Variants in PCDH15 observed in about 807,000 individuals in gnomAD.
PCDH15 encodes protocadherin-15.
Under a neutral mutation model 178.5 loss-of-function variants are expected in PCDH15, and 129 were observed. That is an observed-to-expected ratio of 0.72 (90% CI 0.63 to 0.84). The LOEUF (loss-of-function observed/expected upper bound fraction) is 0.84, where lower values mean the gene tolerates loss of function less well. PCDH15 is among the 40% of genes least tolerant of loss of function. PCDH15 has a pLI of 0.00. For synonymous variants in PCDH15, 800 were observed against 732.0 expected, an observed-to-expected ratio of 1.09 and a Z score of -1.50; for missense variants, 2,230 against 2,099.9, an observed-to-expected ratio of 1.06 and a Z score of -1.21.
chr10:55,265,689 C>T (rs1189762195), intron 1 of PCDH15, among the ~76,000 whole-genome samples: 2 of 152,056 alleles, frequency 1.3e-5, no homozygotes, highest in South Asian at 4.1e-4. Context: ...TGTTCATTAT[C>T]GACCAGGGAT....
At position 55,555,577 on chromosome 10, in the gene PCDH15, A is replaced by C. The variant is rs1037821498; in HGVS notation, c.-156+72048T>G. On this transcript the variant is annotated intron_variant, in intron 2 of 5. Transcript: ENST00000613346. The stretch of plus-strand genomic sequence containing the variant: ...TCAATTTTTGACTTAAAGAAGGAGA[A>C]ACAAGTAAGTGAAGACCACTTATTT... Among the ~76,000 whole-genome samples the C allele has an allele frequency of 1.5e-4, 23 of 152,150 alleles. 1 individual carries two copies. The highest frequency in any genetic ancestry group is 5.5e-4 in the African/African-American group (23 of 41,444).
At chr10:55,540,160 A>C (rs968699484) in intron 2 of PCDH15, among the ~76,000 whole-genome samples, 5 of 152,124 alleles carry the variant, frequency 3.3e-5, no homozygotes, top group Non-Finnish European at 5.9e-5. Flanking sequence ...TGCATAGTCC[A>C]TTTGTGTGAG....
intron 3 of PCDH15, among the ~76,000 whole-genome samples, chr10:54,884,076 T>A (rs773203570): frequency 6.6e-6 from 1 of 152,056 alleles, no homozygotes; most frequent in Non-Finnish European, 1.5e-5. Context: ...TTTATGTTTT[T>A]ATGTGGCTCA....
intron 13 of PCDH15, among the ~76,000 whole-genome samples, chr10:54,170,772 C>T (rs1353411066): frequency 6.6e-6 from 1 of 152,090 alleles, no homozygotes; most frequent in Non-Finnish European, 1.5e-5. Flanking sequence ...AATCCCCACA[C>T]ACCAGCAAAG....
chr10:54,266,999 T>C (rs945762196), intron 8 of PCDH15, among the ~76,000 whole-genome samples: 2 of 151,924 alleles, frequency 1.3e-5, no homozygotes, highest in Non-Finnish European at 2.9e-5. Context: ...CCTAGGCCAA[T>C]ATATCTGATG....
At chr10:55,061,244 AAG>A (rs1156474807) in intron 2 of PCDH15, among the ~76,000 whole-genome samples, 1 of 152,214 alleles carries the variant, frequency 6.6e-6, no homozygotes, top group African/African-American at 2.4e-5. Context: ...AATTTATAAA[AAG>A]CGAAAAACCT....
chr10:54,467,649 T>C (rs1383029494), intron 3 of PCDH15, among the ~76,000 whole-genome samples: 3 of 146,526 alleles, frequency 2.0e-5, no homozygotes, highest in Non-Finnish European at 4.5e-5. Flanking sequence ...TAGACTCTTG[T>C]CTGGTATTGG....
At chr10:54,724,672 A>G (rs1213091181) in intron 1 of PCDH15, among the ~76,000 whole-genome samples, 1 of 151,494 alleles carries the variant, frequency 6.6e-6, no homozygotes, top group East Asian at 1.9e-4. Flanking sequence ...CAAAATATAT[A>G]TTTCCTTTTA....
chr10:54,832,346 T>G lies in PCDH15; in HGVS notation c.-29+65104A>C, dbSNP rs73254088. Among the ~76,000 whole-genome samples, 559 of 126,928 alleles carry G rather than the reference T, an allele frequency of 4.4e-3. 1 individual carries two copies. Among genetic ancestry groups the G allele is most frequent in the African/African-American group, 0.015 (537 of 35,808 alleles). 83.3% of individuals were successfully genotyped at this position (126,928 alleles called of 152,430 possible). On this transcript the variant is annotated intron_variant, in intron 3 of 5. Coordinates refer to the PCDH15 transcript ENST00000458638. Reference sequence around the variant, plus strand: ...ATGGAATATATAAATTGAGAATATTTAATATTTTATAACATGTCTACTTTA... The same window carrying G: ...ATGGAATATATAAATTGAGAATATTGAATATTTTATAACATGTCTACTTTA...
At chr10:53,965,060 ATTT>A (rs60097108) in intron 21 of PCDH15, among the ~76,000 whole-genome samples, 332 of 144,738 alleles carry the variant, frequency 2.3e-3, no homozygotes, top group African/African-American at 3.8e-3. Flanking sequence ...TAGTACCTAC[ATTT>A]TTTTTTTTTT....
chr10:54,637,699 C>T (rs2093892203), intron 2 of PCDH15, among the ~76,000 whole-genome samples: 1 of 151,902 alleles, frequency 6.6e-6, no homozygotes, highest in South Asian at 2.1e-4. Context: ...TTCTCATTTG[C>T]TATGTAATGT....
chr10:54,176,031 A>AC (rs1564608701), intron 13 of PCDH15, among the ~76,000 whole-genome samples: 1 of 152,194 alleles, frequency 6.6e-6, no homozygotes, highest in Non-Finnish European at 1.5e-5. Flanking sequence ...CTGTGAAGTT[A>AC]GAGATCATCT....
intron 2 of PCDH15, among the ~76,000 whole-genome samples, chr10:55,608,409 C>A (rs899493995): frequency 6.6e-6 from 1 of 151,436 alleles, no homozygotes; most frequent in Non-Finnish European, 1.5e-5. Context: ...AAGAAAGAGT[C>A]TCATCTCCTT....
intron 1 of PCDH15, among the ~76,000 whole-genome samples, chr10:54,797,454 C>T (rs2133657379): frequency 6.6e-6 from 1 of 151,494 alleles, no homozygotes; most frequent in South Asian, 2.1e-4. Flanking sequence ...CATTACAGTG[C>T]TCAGAAACTT....
chr10:54,804,948 T>TATAC (rs905516559), upstream of PCDH15, among the ~76,000 whole-genome samples: 44 of 127,138 alleles, frequency 3.5e-4, 1 homozygote, highest in East Asian at 2.3e-3. Flanking sequence ...TATATATATA[T>TATAC]ACAGAGTTTG....
At chr10:54,197,208 ATTAAGT>A (rs112192572) in intron 10 of PCDH15, among the ~76,000 whole-genome samples, 33,836 of 151,590 alleles carry the variant, frequency 0.22, 5,669 homozygotes, top group African/African-American at 0.48. Flanking sequence ...TTTTTCTCCC[ATTAAGT>A]TTAAGAAGTT....
At chr10:55,549,119 A>C (rs571437256) in intron 2 of PCDH15, among the ~76,000 whole-genome samples, 4 of 152,226 alleles carry the variant, frequency 2.6e-5, no homozygotes, top group African/African-American at 9.6e-5. Flanking sequence ...AGTCTACTGA[A>C]GAATTGACAT....
intron 2 of PCDH15, among the ~76,000 whole-genome samples, chr10:55,154,328 C>T (rs901556829): frequency 2.0e-4 from 30 of 152,062 alleles, no homozygotes; most frequent in Non-Finnish European, 3.2e-4. Flanking sequence ...AAAGTCCGTT[C>T]ATTTGTATTA....
At chr10:54,367,056 TAAATC>T (rs1946922073) in intron 5 of PCDH15, among the ~76,000 whole-genome samples, 1 of 152,082 alleles carries the variant, frequency 6.6e-6, no homozygotes, top group South Asian at 2.1e-4. Flanking sequence ...TTCATAAAAA[TAAATC>T]AAGTAAAAGA....
Sources: gnomAD v4.1 joint callset for allele counts (sites outside exome capture counted in the v4.1 genomes callset) on GRCh38, gnomAD v4.1.1 for gene constraint, MANE v1.5 for transcripts, NCBI Gene and HGNC (gene_info 2026-07-23, HGNC 2026-07-21) for gene names.